NUDCD1: variants seen among roughly 807,000 people sequenced by gnomAD.
The protein encoded by NUDCD1 is NudC domain containing 1, also known as nudC domain-containing protein 1.
Under a neutral mutation model 67.8 loss-of-function variants are expected in NUDCD1, and 60 were observed. The ratio of observed to expected loss-of-function variants is 0.88; its 90% CI spans 0.72 to 1.10. The LOEUF (loss-of-function observed/expected upper bound fraction) is 1.10, where lower values mean the gene tolerates loss of function less well. Among genes scored for constraint, NUDCD1 ranks in the 50% least tolerant of loss-of-function variants. The pLI is 0.00. For synonymous variants in NUDCD1, 244 were observed against 230.8 expected, an observed-to-expected ratio of 1.06 and a Z score of -0.52; for missense variants, 643 against 695.0, an observed-to-expected ratio of 0.93 and a Z score of 0.84.
At chr8:109,333,841 G>A (rs1041448726) in intron 1 of NUDCD1, 52 bp downstream of exon 1, 1 of 1,600,380 alleles carries the variant, frequency 6.2e-7, no homozygotes. Context: ...TCAGGCCGGA[G>A]GCAGCCGAAA....
intron 8 of NUDCD1, among the ~76,000 whole-genome samples, chr8:109,262,522 C>T (rs1358475658): frequency 6.6e-6 from 1 of 152,340 alleles, no homozygotes; most frequent in African/African-American, 2.4e-5. Flanking sequence ...TGCTTGAAAA[C>T]CAACCAGTCA....
At position 109,271,136 on chromosome 8, in the gene NUDCD1, TC is replaced by T; in HGVS notation, c.1174-7del. 6.5e-7 allele frequency: 1 copy of T among 1,527,502 alleles called. No homozygotes were observed. The highest frequency in any genetic ancestry group is 8.9e-7 in the Non-Finnish European group (1 of 1,124,728). 94.6% of individuals were successfully genotyped at this position (1,527,502 alleles called of 1,614,324 possible). A position where few individuals can be genotyped will look rare whatever the true frequency, so the allele number is the denominator to read the frequency against. On this transcript the variant is annotated splice_polypyrimidine_tract_variant and splice_region_variant and intron_variant, in intron 7 of 9. Coordinates refer to ENST00000239690, the MANE Select transcript of NUDCD1 (RefSeq NM_032869.4). ...TCTTTATCTGGATTTGGATTCTTAGTCCAGAAAATAAAATAAGTAAATAAGT... is the reference window on the plus strand; with the variant it reads ...TCTTTATCTGGATTTGGATTCTTAGTCAGAAAATAAAATAAGTAAATAAGT...
intron 5 of NUDCD1, among the ~76,000 whole-genome samples, chr8:109,287,822 A>G (rs534072940): frequency 1.8e-4 from 27 of 152,146 alleles, no homozygotes; most frequent in African/African-American, 6.3e-4. Context: ...ATGAAAGGCC[A>G]TGGATGTAGA....
At chr8:109,319,705 C>A (rs1013989038) in intron 2 of NUDCD1, among the ~76,000 whole-genome samples, 1 of 152,128 alleles carries the variant, frequency 6.6e-6, no homozygotes, top group African/African-American at 2.4e-5. Flanking sequence ...ATGTAGTATA[C>A]AAAGTGCTGT....
chr8:109,248,010 A>C (rs902459868), intron 8 of NUDCD1, among the ~76,000 whole-genome samples: 1 of 152,178 alleles, frequency 6.6e-6, no homozygotes, highest in Non-Finnish European at 1.5e-5. Context: ...TTATCCTGGA[A>C]TATGTGGGTA....
At chr8:109,243,433 G>A in intron 9 of NUDCD1, 132 bp from the exon 10 acceptor site, 4 of 627,768 alleles carry the variant, frequency 6.4e-6, no homozygotes, top group Non-Finnish European at 1.0e-5. Flanking sequence ...ATACCATAAG[G>A]TATATAATTC....
intron 4 of NUDCD1, among the ~76,000 whole-genome samples, 188 bp from the exon 5 acceptor site, chr8:109,290,121 T>C (rs1417368705): frequency 6.6e-6 from 1 of 152,186 alleles, no homozygotes; most frequent in African/African-American, 2.4e-5. Context: ...AGTCCCTATT[T>C]TAAAATATTG....
intron 6 of NUDCD1, among the ~76,000 whole-genome samples, chr8:109,278,025 T>C (rs887914011): frequency 6.6e-6 from 1 of 152,226 alleles, no homozygotes; most frequent in Non-Finnish European, 1.5e-5. Flanking sequence ...ATGCTCATGA[T>C]TTAGACTTGT....
At chr8:109,326,091 AT>A (rs1204857985) in intron 1 of NUDCD1, among the ~76,000 whole-genome samples, 1 of 152,256 alleles carries the variant, frequency 6.6e-6, no homozygotes, top group African/African-American at 2.4e-5. Flanking sequence ...TGAAGCAGTA[AT>A]ATTAGACAAC....
At chr8:109,257,478 T>C (rs894292537) in intron 8 of NUDCD1, among the ~76,000 whole-genome samples, 2 of 152,152 alleles carry the variant, frequency 1.3e-5, no homozygotes, top group Non-Finnish European at 2.9e-5. Context: ...ACAATGTTTA[T>C]GGATCAGAAG....
intron 2 of NUDCD1, among the ~76,000 whole-genome samples, chr8:109,303,678 G>A (rs1204170778): frequency 6.6e-6 from 1 of 151,664 alleles, no homozygotes; most frequent in East Asian, 1.9e-4. Flanking sequence ...TCCTCCCCTT[G>A]TATCTCCCCA....
intron 3 of NUDCD1, 23 bp downstream of exon 3, chr8:109,296,360 CA>C: frequency 6.3e-7 from 1 of 1,596,080 alleles, no homozygotes; most frequent in South Asian, 1.1e-5. Flanking sequence ...CTGGACTTCG[CA>C]TAAGTCTTAA....
intron 2 of NUDCD1, among the ~76,000 whole-genome samples, chr8:109,311,831 T>C (rs1031749622): frequency 2.0e-5 from 3 of 152,026 alleles, no homozygotes; most frequent in Admixed American, 6.6e-5. Context: ...AAATAGGGTA[T>C]AGTGTATACT....
chr8:109,246,654 T>A (rs113684191), intron 8 of NUDCD1, among the ~76,000 whole-genome samples: 3,152 of 152,316 alleles, frequency 0.021, 110 homozygotes, highest in African/African-American at 0.072. Flanking sequence ...AATGAAGACA[T>A]GTTGTAAGGA....
At chr8:109,283,147 A>C (rs1266105893) in intron 5 of NUDCD1, among the ~76,000 whole-genome samples, 1 of 152,228 alleles carries the variant, frequency 6.6e-6, no homozygotes. Context: ...GAATTTCCAA[A>C]TACAATTGAA....
chr8:109,294,467 T>C (rs927118768), intron 3 of NUDCD1, among the ~76,000 whole-genome samples: 4 of 149,298 alleles, frequency 2.7e-5, no homozygotes, highest in Admixed American at 2.6e-4. Flanking sequence ...AGATGACAGA[T>C]GAAGGCAGGT....
chr8:109,249,844 A>AT (rs1813581998), intron 8 of NUDCD1, among the ~76,000 whole-genome samples: 1 of 128,358 alleles, frequency 7.8e-6, no homozygotes, highest in Non-Finnish European at 1.7e-5. Flanking sequence ...GAATTGTTGA[A>AT]TTCTTTTTTT....
Position 109,312,580 on chromosome 8 carries a change from C to T in NUDCD1, c.273+9729G>A, listed in dbSNP as rs1014451486. On this transcript the variant is annotated intron_variant, in intron 2 of 9. Transcript: ENST00000239690. Reference sequence around the variant, plus strand: ...CAATAAGAATACCTGCATATGTACACGAAGATCCACGTAACAAGTATGTTT... The same window carrying T: ...CAATAAGAATACCTGCATATGTACATGAAGATCCACGTAACAAGTATGTTT... 9.9e-5 allele frequency among the ~76,000 whole-genome samples: 15 copies of T among 151,696 alleles called. No homozygotes were observed. The East Asian group carries it at 2.0e-3, about 21-fold the overall frequency.
intron 9 of NUDCD1, among the ~76,000 whole-genome samples, chr8:109,244,938 T>C (rs928136163): frequency 6.6e-6 from 1 of 152,208 alleles, no homozygotes; most frequent in African/African-American, 2.4e-5. Flanking sequence ...AGGGGAATTC[T>C]ATGATGTTTC....
Sources: gnomAD v4.1 joint callset for allele counts (sites outside exome capture counted in the v4.1 genomes callset) on GRCh38, gnomAD v4.1.1 for gene constraint, MANE v1.5 for transcripts, NCBI Gene and HGNC (gene_info 2026-07-23, HGNC 2026-07-21) for gene names.